ITSN1: variants seen among roughly 807,000 people sequenced by gnomAD.
ITSN1 encodes intersectin-1.
ITSN1 carries 58 observed loss-of-function variants against 239.8 expected under a neutral mutation model. The observed-to-expected ratio is 0.24, with a 90% CI of 0.20 to 0.30. The LOEUF is 0.30. Among genes scored for constraint, ITSN1 ranks in the 10% least tolerant of loss-of-function variants. The pLI, the probability that ITSN1 is intolerant of heterozygous loss-of-function variation, is 1.00. For missense variants in ITSN1, 1,558 were observed against 2,103.3 expected, an observed-to-expected ratio of 0.74 and a Z score of 5.07; for synonymous variants, 780 against 770.8, an observed-to-expected ratio of 1.01 and a Z score of -0.20.
At chr21:33,855,994 G>T (rs1254741405) in intron 29 of ITSN1, among the ~76,000 whole-genome samples, 2 of 152,238 alleles carry the variant, frequency 1.3e-5, no homozygotes, top group Non-Finnish European at 2.9e-5. Context: ...CGGGGATAGA[G>T]CACAGCCTCT....
chr21:33,744,763 A>G lies in ITSN1; in HGVS notation c.347-5380A>G, dbSNP rs1290130028. Among the ~76,000 whole-genome samples the G allele has an allele frequency of 2.6e-5, 4 of 152,346 alleles. No homozygotes were observed. In the East Asian group the frequency reaches 7.7e-4, roughly 29 times the overall value. ...CATTGGCCAAAGAGAGGACAGTTTG[A>G]ACTTCAAGAATGATAATGTGCCATG... On this transcript the variant is annotated intron_variant, in intron 5 of 39. Transcript: ENST00000381318.
intron 1 of ITSN1, among the ~76,000 whole-genome samples, chr21:33,704,114 C>T (rs962694979): frequency 2.0e-5 from 3 of 152,100 alleles, no homozygotes; most frequent in African/African-American, 7.2e-5. Context: ...TCACTTTTTT[C>T]TTTTCTTAAC....
intron 5 of ITSN1, among the ~76,000 whole-genome samples, chr21:33,741,133 T>A (rs754205350): frequency 6.6e-6 from 1 of 152,170 alleles, no homozygotes; most frequent in Non-Finnish European, 1.5e-5. Flanking sequence ...GGTACGTGTC[T>A]TGAAGGTTAA....
At chr21:33,842,496 GT>G (rs2074858199) in intron 29 of ITSN1, among the ~76,000 whole-genome samples, 1 of 34,622 alleles carries the variant, frequency 2.9e-5, no homozygotes, top group African/African-American at 3.4e-4. Context: ...GATGTCAACG[GT>G]GTGTGTGTGT....
chr21:33,823,357 C>T (rs1287734819), intron 24 of ITSN1, 130 bp from the exon 25 acceptor site: 1 of 785,590 alleles, frequency 1.3e-6, no homozygotes, highest in South Asian at 1.8e-5. Context: ...TGTATTTTAT[C>T]TGTGACTAGC....
chr21:33,736,439 T>TG (rs11403477), intron 5 of ITSN1, among the ~76,000 whole-genome samples: 80,649 of 152,026 alleles, frequency 0.53, 22,907 homozygotes, highest in East Asian at 0.82. Context: ...GGAAAGGTTT[T>TG]GGAAGATTTT....
chr21:33,714,909 A>G (rs777734945), intron 1 of ITSN1, among the ~76,000 whole-genome samples: 1 of 152,168 alleles, frequency 6.6e-6, no homozygotes, highest in African/African-American at 2.4e-5. Flanking sequence ...CTATTGTACA[A>G]ATTCTAGGAT....
chr21:33,709,634 A>G (rs1013267837), intron 1 of ITSN1, among the ~76,000 whole-genome samples: 1 of 152,198 alleles, frequency 6.6e-6, no homozygotes, highest in Non-Finnish European at 1.5e-5. Context: ...ATGCTACTGT[A>G]AAACAGTTGT....
At chr21:33,858,114 G>A (rs882363) in intron 30 of ITSN1, among the ~76,000 whole-genome samples, 93,906 of 151,896 alleles carry the variant, frequency 0.62, 30,942 homozygotes, top group East Asian at 0.91. Flanking sequence ...AGCCCAGGAG[G>A]AGGGCAGCAC....
chr21:33,777,886 G>A (rs1240616853), intron 14 of ITSN1, among the ~76,000 whole-genome samples: 3 of 152,156 alleles, frequency 2.0e-5, no homozygotes, highest in Non-Finnish European at 4.4e-5. Context: ...ATGAAGGAAA[G>A]CTCTCTCACC....
intron 27 of ITSN1, among the ~76,000 whole-genome samples, chr21:33,833,978 T>G (rs552838455): frequency 2.6e-5 from 4 of 152,234 alleles, no homozygotes; most frequent in Non-Finnish European, 4.4e-5. Context: ...AACCATAATG[T>G]CTACATTACC....
intron 7 of ITSN1, among the ~76,000 whole-genome samples, chr21:33,753,761 T>TAAAAAAAAC (rs1555900609): frequency 3.5e-4 from 29 of 81,766 alleles, no homozygotes; most frequent in African/African-American, 1.6e-3. Context: ...GTCTCTTTCT[T>TAAAAAAAAC]AAAAAAAAAA....
intron 20 of ITSN1, among the ~76,000 whole-genome samples, chr21:33,807,346 ATTCC>A (rs1569220699): frequency 1.3e-5 from 2 of 152,172 alleles, no homozygotes; most frequent in African/African-American, 4.8e-5. Flanking sequence ...TTCAGGTCGC[ATTCC>A]AGATGTCCAC....
chr21:33,716,750 G>A (rs989132302), intron 1 of ITSN1, among the ~76,000 whole-genome samples: 3 of 150,602 alleles, frequency 2.0e-5, no homozygotes, highest in Non-Finnish European at 4.4e-5. Flanking sequence ...TCAGGAGTTC[G>A]AGACCAGCCT....
chr21:33,685,579 C>T (rs1442461222), intron 1 of ITSN1, among the ~76,000 whole-genome samples: 2 of 149,444 alleles, frequency 1.3e-5, no homozygotes, highest in African/African-American at 2.5e-5. Context: ...GATCCTTTTT[C>T]CTAGCCATCA....
intron 9 of ITSN1, among the ~76,000 whole-genome samples, chr21:33,764,750 T>C (rs138472497): frequency 1.5e-3 from 227 of 152,382 alleles, no homozygotes; most frequent in African/African-American, 5.2e-3. Context: ...CCCATTGCAT[T>C]TGTCCTGTTG....
chr21:33,838,923 G>A (rs1352110983), intron 29 of ITSN1, among the ~76,000 whole-genome samples: 3 of 152,176 alleles, frequency 2.0e-5, no homozygotes, highest in East Asian at 1.9e-4. Flanking sequence ...CATGCCCCAC[G>A]TTGTCTGGGA....
chr21:33,672,659 T>C (rs1407456953), intron 1 of ITSN1, among the ~76,000 whole-genome samples: 2 of 152,112 alleles, frequency 1.3e-5, no homozygotes, highest in South Asian at 2.1e-4. Context: ...TGGGAAGATA[T>C]CTGCACTCCC....
chr21:33,674,036 A>C (rs2090454125), intron 1 of ITSN1, among the ~76,000 whole-genome samples: 1 of 152,212 alleles, frequency 6.6e-6, no homozygotes. Context: ...ATCTGGTTGA[A>C]TGTTTGATTG....
Sources: allele counts gnomAD v4.1 joint callset (sites outside exome capture counted in the v4.1 genomes callset), GRCh38; gene constraint gnomAD v4.1.1; transcripts MANE v1.5; gene names NCBI Gene and HGNC (gene_info 2026-07-23, HGNC 2026-07-21).